Variants in SH3PXD2B observed in about 807,000 individuals in gnomAD.
SH3PXD2B encodes SH3 and PX domain-containing protein 2B.
SH3PXD2B carries 37 observed loss-of-function variants against 73.1 expected under a neutral mutation model. The ratio of observed to expected loss-of-function variants is 0.51; its 90% CI spans 0.39 to 0.67. The LOEUF is 0.67. Among genes scored for constraint, SH3PXD2B ranks in the 30% least tolerant of loss-of-function variants. The probability of loss-of-function intolerance (pLI) is 0.00; values close to 1 mark genes in which losing one functional copy is unlikely to be tolerated. For missense variants in SH3PXD2B, 1,053 were observed against 1,197.8 expected, an observed-to-expected ratio of 0.88 and a Z score of 1.78; for synonymous variants, 457 against 480.5, an observed-to-expected ratio of 0.95 and a Z score of 0.64.
At chr5:172,329,033 GTA>G (rs1561884323), downstream of SH3PXD2B, among the ~76,000 whole-genome samples, 3 of 135,972 alleles carry the variant, frequency 2.2e-5, no homozygotes, top group African/African-American at 8.4e-5. Context: ...ATACATATAC[GTA>G]TATATATGTA....
At chr5:172,332,772 G>C (rs1756585067), downstream of SH3PXD2B, among the ~76,000 whole-genome samples, 1 of 151,904 alleles carries the variant, frequency 6.6e-6, no homozygotes, top group Non-Finnish European at 1.5e-5. Context: ...AGTCACCTGG[G>C]AACAAGGAGG....
chr5:172,370,436 T>C (rs1242336331), intron 6 of SH3PXD2B, among the ~76,000 whole-genome samples: 2 of 152,190 alleles, frequency 1.3e-5, no homozygotes, highest in Admixed American at 1.3e-4. Flanking sequence ...AGTGACAGAA[T>C]GACAGAACCA....
At chr5:172,378,566 C>T (rs1482606785) in intron 5 of SH3PXD2B, among the ~76,000 whole-genome samples, 1 of 152,180 alleles carries the variant, frequency 6.6e-6, no homozygotes, top group East Asian at 1.9e-4. Flanking sequence ...GAATGCACAC[C>T]AATGCCAATA....
At chr5:172,332,984 G>A (rs1160830985), downstream of SH3PXD2B, among the ~76,000 whole-genome samples, 1 of 150,170 alleles carries the variant, frequency 6.7e-6, no homozygotes, top group African/African-American at 2.5e-5. Context: ...CACCCAGGCT[G>A]GAGCGCAGTG....
Position 172,336,348 on chromosome 5 carries a change from C to T in SH3PXD2B, c.*2021G>A, listed in dbSNP as rs1756690988. Reference sequence around the variant, plus strand: ...CCCTCAAGCGGTGGCGGCCCTTCCCCACCTCCCTTCTTCCCCTGGCTGCCA... The same window carrying T: ...CCCTCAAGCGGTGGCGGCCCTTCCCTACCTCCCTTCTTCCCCTGGCTGCCA... On this transcript the variant is annotated 3_prime_UTR_variant, in exon 13 of 13. Transcript: ENST00000311601. 1.0e-6 allele frequency: 1 copy of T among 985,602 alleles called. No individual in the cohort carries two copies. Among genetic ancestry groups the T allele is most frequent in the Non-Finnish European group, 1.2e-6 (1 of 830,010 alleles). 61.1% of individuals were successfully genotyped at this position (985,602 alleles called of 1,614,324 possible). A position where few individuals can be genotyped will look rare whatever the true frequency, so the allele number is the denominator to read the frequency against.
chr5:172,331,126 C>T (rs971404149), downstream of SH3PXD2B, among the ~76,000 whole-genome samples: 2 of 152,176 alleles, frequency 1.3e-5, no homozygotes, highest in African/African-American at 4.8e-5. Context: ...ACCCGGGAGG[C>T]AGAGGCTGCA....
At chr5:172,369,973 T>G (rs1040765388) in intron 6 of SH3PXD2B, among the ~76,000 whole-genome samples, 1 of 152,210 alleles carries the variant, frequency 6.6e-6, no homozygotes, top group African/African-American at 2.4e-5. Flanking sequence ...ATTTAGTATT[T>G]ATTAAGCACC....
In SH3PXD2B at chr5:172,339,679, C is replaced by A. The variant is rs1242577988; in HGVS notation, c.1426G>T (p.Gly476Cys). The change falls in exon 13 of 13, where the codon GGT (glycine) becomes TGT (cysteine). Residue 476 changes from glycine (G) to cysteine (C), a missense_variant. Transcript: ENST00000311601. The surrounding 1 kb of genome is among the most constrained non-coding windows in gnomAD (Gnocchi z 6.1). ...CATGGCAACCCCGAGTCCATGACAC[C>A]ATGCGGTGCGTCAGGCAGGGGCCGG... is the stretch of plus-strand genomic sequence containing the variant. Reference protein sequence around the residue: ...PSRPLPDAPHGVMDSGLPWSK... With the variant: ...PSRPLPDAPHCVMDSGLPWSK... The A allele has an allele frequency of 4.3e-6, 7 of 1,614,248 alleles. 1 individual carries two copies. Among genetic ancestry groups the A allele is most frequent in the Admixed American group, 1.7e-5 (1 of 60,028 alleles).
At chr5:172,413,133 C>G (rs569456701) in intron 2 of SH3PXD2B, among the ~76,000 whole-genome samples, 1 of 152,202 alleles carries the variant, frequency 6.6e-6, no homozygotes, top group Non-Finnish European at 1.5e-5. Flanking sequence ...CAAGTCCCAG[C>G]GGAGCCGGAG....
intron 1 of SH3PXD2B, among the ~76,000 whole-genome samples, chr5:172,447,303 T>C (rs1354567149): frequency 6.6e-6 from 1 of 152,210 alleles, no homozygotes; most frequent in Non-Finnish European, 1.5e-5. Flanking sequence ...AGCCTGAGCA[T>C]GCTATTTTGC....
intron 9 of SH3PXD2B, among the ~76,000 whole-genome samples, chr5:172,351,864 C>T (rs932357180): frequency 1.3e-5 from 2 of 152,060 alleles, no homozygotes; most frequent in Non-Finnish European, 2.9e-5. Context: ...TTAAAATATG[C>T]TCTGAGAGGG....
At chr5:172,341,349 T>C (rs957301461) in intron 12 of SH3PXD2B, among the ~76,000 whole-genome samples, 2 of 152,114 alleles carry the variant, frequency 1.3e-5, no homozygotes, top group African/African-American at 4.8e-5. Context: ...AGGTGGGGCC[T>C]GGTGGGAGGT....
intron 1 of SH3PXD2B, among the ~76,000 whole-genome samples, chr5:172,446,260 T>C (rs1467414441): frequency 5.3e-5 from 8 of 152,304 alleles, no homozygotes; most frequent in Admixed American, 4.6e-4. Flanking sequence ...AGTGAGTGAA[T>C]GACAGAACCA....
In SH3PXD2B at chr5:172,394,410, T is replaced by C. The variant is rs144201777; in HGVS notation, c.309+153A>G. ...ACCCTTAATAACTAACTGTTGCCTC[T>C]AAGTTGAATGATAATGAATGATTTT... On this transcript the variant is annotated intron_variant, in intron 4 of 12. Transcript: ENST00000311601. Among the ~76,000 whole-genome samples, 299 of 152,352 alleles carry C rather than the reference T, an allele frequency of 2.0e-3. 2 individuals are homozygous for C. Among genetic ancestry groups the C allele is most frequent in the African/African-American group, 6.8e-3 (282 of 41,598 alleles).
At chr5:172,346,925 C>T (rs1472952968) in intron 11 of SH3PXD2B, among the ~76,000 whole-genome samples, 7 of 152,106 alleles carry the variant, frequency 4.6e-5, no homozygotes, top group Non-Finnish European at 8.8e-5. Context: ...GGATTATGAG[C>T]GCAGAATATC....
At chr5:172,400,375 G>T (rs987431455) in intron 3 of SH3PXD2B, among the ~76,000 whole-genome samples, 3 of 152,192 alleles carry the variant, frequency 2.0e-5, no homozygotes, top group African/African-American at 7.2e-5. Flanking sequence ...AGAAGGGAAT[G>T]CCTGGAGGCT....
chr5:172,358,104 G>A (rs1384831884), intron 8 of SH3PXD2B, among the ~76,000 whole-genome samples: 1 of 152,246 alleles, frequency 6.6e-6, no homozygotes, highest in African/African-American at 2.4e-5. Context: ...CTGGCCCAAG[G>A]CCACTCAACC....
At chr5:172,344,525 T>C (rs1581262587) in intron 12 of SH3PXD2B, among the ~76,000 whole-genome samples, 1 of 141,300 alleles carries the variant, frequency 7.1e-6, no homozygotes, top group African/African-American at 2.7e-5. Context: ...GAGGCGGAGG[T>C]TGCAGTGAGC....
At chr5:172,393,251 TTA>T (rs1758228527) in intron 4 of SH3PXD2B, among the ~76,000 whole-genome samples, 1 of 152,218 alleles carries the variant, frequency 6.6e-6, no homozygotes, top group Non-Finnish European at 1.5e-5. Context: ...TTGAAATGTT[TTA>T]TATAAACCCT....
Sources: gnomAD v4.1 joint callset for allele counts (sites outside exome capture counted in the v4.1 genomes callset) on GRCh38, gnomAD v4.1.1 for gene constraint, Gnocchi (gnomAD v3.1) non-coding constraint, MANE v1.5 for transcripts, NCBI Gene and HGNC (gene_info 2026-07-23, HGNC 2026-07-21) for gene names.